The following AGBL4 variants were observed in gnomAD, a reference collection of about 807,000 sequenced individuals.
The protein encoded by AGBL4 is AGBL carboxypeptidase 4.
A neutral mutation model predicts 66.4 loss-of-function variants in AGBL4; 58 were observed. The ratio of observed to expected loss-of-function variants is 0.87; its 90% confidence interval spans 0.71 to 1.09. The LOEUF (loss-of-function observed/expected upper bound fraction) is 1.09, where lower values mean the gene tolerates loss of function less well. Among genes scored for constraint, AGBL4 ranks in the 50% least tolerant of loss-of-function variants. The pLI is 0.00. For synonymous variants in AGBL4, 234 were observed against 222.9 expected, an observed-to-expected ratio of 1.05 and a Z score of -0.44; for missense variants, 579 against 631.0, an observed-to-expected ratio of 0.92 and a Z score of 0.88.
At chr1:49,758,871 G>A in intron 2 of AGBL4, among the ~76,000 whole-genome samples, 1 of 152,014 alleles carries the variant, frequency 6.6e-6, no homozygotes, top group South Asian at 2.1e-4. Context: ...GATTTTGGAG[G>A]GGCCAGAGGC....
chr1:49,594,554 A>G (rs1644815149), intron 3 of AGBL4, among the ~76,000 whole-genome samples: 1 of 151,902 alleles, frequency 6.6e-6, no homozygotes, highest in Non-Finnish European at 1.5e-5. Context: ...GTGTGATGTT[A>G]CCCTCCCTGT....
chr1:49,104,643 G>T (rs1645260891), intron 4 of AGBL4, among the ~76,000 whole-genome samples: 1 of 152,046 alleles, frequency 6.6e-6, no homozygotes, highest in African/African-American at 2.4e-5. Flanking sequence ...AAGTTCAAGG[G>T]CTCTTTCTAG....
At chr1:49,536,885 G>A (rs953288453) in intron 3 of AGBL4, among the ~76,000 whole-genome samples, 7 of 151,988 alleles carry the variant, frequency 4.6e-5, no homozygotes, top group Admixed American at 2.6e-4. Flanking sequence ...GTGGGCGCCT[G>A]TAATGCCAGC....
intron 6 of AGBL4, among the ~76,000 whole-genome samples, chr1:48,791,263 T>G (rs866258150): frequency 1.3e-5 from 2 of 152,232 alleles, no homozygotes; most frequent in Non-Finnish European, 2.9e-5. Flanking sequence ...TTACCTAGTC[T>G]TAAGTAAACA....
intron 11 of AGBL4, among the ~76,000 whole-genome samples, chr1:48,561,038 T>TA (rs1280937868): frequency 2.0e-5 from 3 of 152,256 alleles, no homozygotes; most frequent in Non-Finnish European, 4.4e-5. Context: ...AGTCATTCCC[T>TA]AATGCTCCAT....
In AGBL4 at chr1:48,534,240, T is replaced by C; in HGVS notation, c.1445A>G (p.Asn482Ser). Residue 482 changes from asparagine (N) to serine (S), a missense_variant, in exon 14 of 14, where the codon AAC becomes AGC. Physicochemically the swap from Asn to Ser is conservative, Grantham distance 46 (BLOSUM62 1). Transcript: ENST00000371839. ...KHPLLRGPAS[N>S]YPNSKGDKKS... ...CTTGTCCCCTTTGCTGTTGGGGTAG[T>C]TGCTGGCTGGGCCCCGCAGGAGTGG... 6.4e-7 allele frequency: 1 copy of C among 1,551,758 alleles called. No individual in the cohort carries two copies. Among genetic ancestry groups the C allele is most frequent in the South Asian group, 1.2e-5 (1 of 84,048 alleles).
chr1:49,128,882 A>C (rs1645822327), intron 4 of AGBL4, among the ~76,000 whole-genome samples: 1 of 152,058 alleles, frequency 6.6e-6, no homozygotes, highest in African/African-American at 2.4e-5. Context: ...CTATATAAAA[A>C]TTAAATATGT....
intron 1 of AGBL4, among the ~76,000 whole-genome samples, chr1:49,859,260 A>G (rs1646510060): frequency 6.6e-6 from 1 of 152,230 alleles, no homozygotes; most frequent in Non-Finnish European, 1.5e-5. Flanking sequence ...AGATGAAATT[A>G]CTAAGCAGAT....
chr1:49,741,526 G>T lies in AGBL4; in HGVS notation c.158-44089C>A, dbSNP rs1033543450. Among the ~76,000 whole-genome samples, 5 of 152,278 alleles carry T rather than the reference G, an allele frequency of 3.3e-5. No homozygotes were observed. The East Asian group carries it at 9.7e-4, about 29-fold the overall frequency. ...AACTATTCCAATCAATAGAAAAGGA[G>T]GGAATCCTCCCTAACTCATATGATG... On this transcript the variant is annotated intron_variant, in intron 2 of 13. Transcript: ENST00000371839.
intron 4 of AGBL4, among the ~76,000 whole-genome samples, chr1:49,068,735 G>C (rs1388495731): frequency 2.0e-5 from 3 of 152,040 alleles, no homozygotes; most frequent in African/African-American, 7.3e-5. Context: ...TAATCCTTTG[G>C]GTATATACCC....
At chr1:49,473,522 T>C (rs1646788301) in intron 3 of AGBL4, among the ~76,000 whole-genome samples, 3 of 152,068 alleles carry the variant, frequency 2.0e-5, no homozygotes, top group African/African-American at 4.8e-5. Flanking sequence ...AAGTTCCTTA[T>C]AGATTCTGGA....
chr1:48,977,007 T>C (rs554356977), intron 5 of AGBL4, among the ~76,000 whole-genome samples: 1 of 152,236 alleles, frequency 6.6e-6, no homozygotes, highest in East Asian at 1.9e-4. Context: ...TTTTCTGCAG[T>C]GTTTTCTACA....
chr1:49,773,779 C>G (rs535029234), intron 2 of AGBL4, among the ~76,000 whole-genome samples: 1 of 152,304 alleles, frequency 6.6e-6, no homozygotes, highest in South Asian at 2.1e-4. Context: ...AGTGGTGCTA[C>G]TTCTGGTCCA....
chr1:49,563,903 C>G (rs966369614), intron 3 of AGBL4, among the ~76,000 whole-genome samples: 3 of 152,120 alleles, frequency 2.0e-5, no homozygotes, highest in African/African-American at 7.2e-5. Context: ...CCTCCTTGTA[C>G]CTCTGGTAGA....
intron 3 of AGBL4, among the ~76,000 whole-genome samples, chr1:49,532,957 T>G (rs1024010779): frequency 1.3e-5 from 2 of 152,244 alleles, no homozygotes; most frequent in Non-Finnish European, 2.9e-5. Context: ...TGCCAGAGAA[T>G]GTACCTCTTA....
intron 4 of AGBL4, among the ~76,000 whole-genome samples, chr1:49,138,668 C>T (rs927012108): frequency 6.6e-6 from 1 of 152,148 alleles, no homozygotes; most frequent in Non-Finnish European, 1.5e-5. Context: ...GCCACATTTC[C>T]AGACTCATAT....
chr1:48,947,436 G>C (rs1343547694), intron 5 of AGBL4, among the ~76,000 whole-genome samples: 1 of 152,052 alleles, frequency 6.6e-6, no homozygotes, highest in Non-Finnish European at 1.5e-5. Context: ...AATGGGAGAG[G>C]GCAGCATTCA....
intron 6 of AGBL4, among the ~76,000 whole-genome samples, chr1:48,680,225 T>A (rs967785513): frequency 2.0e-5 from 3 of 152,226 alleles, no homozygotes; most frequent in Non-Finnish European, 4.4e-5. Flanking sequence ...ACAAATTAAA[T>A]TGAAGCACAA....
At chr1:48,836,189 CCA>C in intron 6 of AGBL4, among the ~76,000 whole-genome samples, 1 of 151,672 alleles carries the variant, frequency 6.6e-6, no homozygotes, top group Admixed American at 6.6e-5. Context: ...GACAGGCAAC[CCA>C]GATATGTCTT....
Sources: gnomAD v4.1 joint callset for allele counts (sites outside exome capture counted in the v4.1 genomes callset) on GRCh38, gnomAD v4.1.1 for gene constraint, MANE v1.5 for transcripts, NCBI Gene and HGNC (gene_info 2026-07-23, HGNC 2026-07-21) for gene names.